The following HAUS1 variants were observed in gnomAD, a reference collection of about 807,000 sequenced individuals.
HAUS1 encodes HAUS augmin like complex subunit 1, also known as HAUS augmin-like complex subunit 1.
HAUS1 carries 25 observed loss-of-function variants against 38.6 expected under a neutral mutation model. The observed-to-expected ratio is 0.65, with a 90% CI of 0.47 to 0.91. The LOEUF is 0.91. HAUS1 is among the 40% of genes least tolerant of loss of function. The pLI is 0.00. For synonymous variants in HAUS1, 109 were observed against 112.9 expected (o/e 0.97, Z 0.22); for missense variants, 325 against 328.4 (o/e 0.99, Z 0.08).
intron 3 of HAUS1, 26 bp from the exon 4 acceptor site, chr18:46,119,900 T>C: frequency 6.5e-7 from 1 of 1,545,010 alleles, no homozygotes; most frequent in Non-Finnish European, 8.7e-7. Context: ...ATTAAGCCCA[T>C]GTATATGACC....
chr18:46,112,934 C>CATATAATAT (rs1207564485), intron 2 of HAUS1, among the ~76,000 whole-genome samples: 2 of 100,040 alleles, frequency 2.0e-5, no homozygotes, highest in Non-Finnish European at 3.7e-5. Context: ...GTATATATTC[C>CATATAATAT]ATATAATATA....
In HAUS1 at chr18:46,123,377, T is replaced by C. The variant is rs1912006804; in HGVS notation, c.666+13T>C. The C allele has an allele frequency of 6.4e-7, 1 of 1,554,718 alleles. No individual in the cohort carries two copies. The highest frequency in any genetic ancestry group is 8.8e-7 in the Non-Finnish European group (1 of 1,136,430). ...AGCACTATCAGAGGTGAGCTTATTT[T>C]AACCTAATTTAACTTTCTTTAAAAT... is the stretch of plus-strand genomic sequence containing the variant. On this transcript the variant is annotated intron_variant, in intron 6 of 8. Coordinates refer to ENST00000282058, the MANE Select transcript of HAUS1 (RefSeq NM_138443.4).
At chr18:46,113,561 C>G (rs78463864) in intron 2 of HAUS1, among the ~76,000 whole-genome samples, 2 of 152,248 alleles carry the variant, frequency 1.3e-5, no homozygotes, top group East Asian at 3.9e-4. Flanking sequence ...CATCTTACCT[C>G]ATGTTCCTTC....
intron 2 of HAUS1, among the ~76,000 whole-genome samples, chr18:46,111,164 G>A (rs1443459623): frequency 1.3e-5 from 2 of 151,612 alleles, no homozygotes; most frequent in Non-Finnish European, 2.9e-5. Context: ...CAATGCACCC[G>A]GCCTCAAGAT....
chr18:46,128,097 CAAG>C lies in HAUS1; in HGVS notation c.814_816del (p.Arg272del). The C allele has an allele frequency of 6.3e-7, 1 of 1,588,452 alleles. No individual in the cohort carries two copies. The highest frequency in any genetic ancestry group is 8.5e-7 in the Non-Finnish European group (1 of 1,170,362). On this transcript the variant is annotated inframe_deletion, in exon 9 of 9. Transcript: ENST00000282058. ...TAGGATAGCATTGAAGCTGAACTTACAAGAAGAGTAGACATGATGGAACTGTGA... is the reference window on the plus strand; with the variant it reads ...TAGGATAGCATTGAAGCTGAACTTACAAGAGTAGACATGATGGAACTGTGA...
At chr18:46,117,271 G>A (rs1204836664) in intron 2 of HAUS1, among the ~76,000 whole-genome samples, 1 of 152,064 alleles carries the variant, frequency 6.6e-6, no homozygotes, top group Non-Finnish European at 1.5e-5. Context: ...GCCAAAATGT[G>A]GAAACAACCC....
chr18:46,114,947 T>G (rs1192478004), intron 2 of HAUS1: 1 of 152,226 alleles, frequency 6.6e-6, no homozygotes, highest in Non-Finnish European at 1.5e-5. Context: ...TTTCTTTCTT[T>G]CTTCTGATTT....
chr18:46,123,409 C>A, intron 6 of HAUS1, 45 bp downstream of exon 6: 1 of 1,249,576 alleles, frequency 8.0e-7, no homozygotes, highest in Non-Finnish European at 1.2e-6. Flanking sequence ...AAATTTTACT[C>A]CACAGTCTGC....
At chr18:46,114,883 A>T (rs1357409982) in intron 2 of HAUS1, among the ~76,000 whole-genome samples, 1 of 152,040 alleles carries the variant, frequency 6.6e-6, no homozygotes, top group Non-Finnish European at 1.5e-5. Flanking sequence ...TTGTTTCTTC[A>T]TTTGCTGTGT....
intron 2 of HAUS1, among the ~76,000 whole-genome samples, chr18:46,109,282 A>C (rs2144246191): frequency 6.6e-6 from 1 of 152,224 alleles, no homozygotes; most frequent in East Asian, 1.9e-4. Context: ...ACTCACTATC[A>C]CGAGAACAGT....
At position 46,122,579 on chromosome 18, in the gene HAUS1, A is replaced by G; in HGVS notation, c.589A>G (p.Lys197Glu). The change falls in exon 5 of 9, where the codon AAG becomes GAG. Residue 197 changes from lysine (K) to glutamate (E), a missense_variant. Coordinates refer to ENST00000282058, the MANE Select transcript of HAUS1 (RefSeq NM_138443.4). ...AKSEEFRFGIKAAEEQLSARG... is the reference protein window; with the variant it reads ...AKSEEFRFGIEAAEEQLSARG... ...GTCAGAGGAATTCAGATTTGGAATC[A>G]AGGCTGCAGAGGTTTGTATGAAGGA... 6.2e-7 allele frequency: 1 copy of G among 1,614,196 alleles called. No individual in the cohort carries two copies. Among genetic ancestry groups the G allele is most frequent in the Non-Finnish European group, 8.5e-7 (1 of 1,180,020 alleles).
At chr18:46,117,759 A>G (rs1372659302) in intron 2 of HAUS1, among the ~76,000 whole-genome samples, 3 of 152,152 alleles carry the variant, frequency 2.0e-5, no homozygotes, top group South Asian at 2.1e-4. Context: ...CCTGGCCAAC[A>G]TGGTGAAACC....
chr18:46,104,895 T>C (rs765688786), intron 1 of HAUS1, among the ~76,000 whole-genome samples: 2 of 152,220 alleles, frequency 1.3e-5, no homozygotes, highest in African/African-American at 4.8e-5. Flanking sequence ...TATTATGGTC[T>C]ATTAAGCTTT....
At chr18:46,126,214 G>C (rs1427718563) in intron 8 of HAUS1, among the ~76,000 whole-genome samples, 1 of 152,144 alleles carries the variant, frequency 6.6e-6, no homozygotes, top group Non-Finnish European at 1.5e-5. Flanking sequence ...GGTGGAGGTT[G>C]CAGTGAACTG....
At position 46,118,276 on chromosome 18, in the gene HAUS1, A is replaced by G. The variant is rs1210138826; in HGVS notation, c.301A>G (p.Ser101Gly). Residue 101 changes from serine to glycine, a missense_variant, in exon 3 of 9, where the codon AGT becomes GGT. Coordinates refer to ENST00000282058, the MANE Select transcript of HAUS1 (RefSeq NM_138443.4). ...GSRYLNALVD[S>G]AVALETKDTS... ...CAGGTATCTGAATGCTTTGGTTGAC[A>G]GTGCGGTGGCCCTTGAAACAAAGGA... is the stretch of plus-strand genomic sequence containing the variant. 1.9e-6 allele frequency: 3 copies of G among 1,613,288 alleles called. No homozygotes were observed. The highest frequency in any genetic ancestry group is 1.3e-5 in the African/African-American group (1 of 74,926).
At chr18:46,118,753 G>T (rs1194490000) in intron 3 of HAUS1, among the ~76,000 whole-genome samples, 1 of 152,088 alleles carries the variant, frequency 6.6e-6, no homozygotes, top group Non-Finnish European at 1.5e-5. Context: ...AGGAGGTGTG[G>T]GTTAAATAAT....
intron 1 of HAUS1, 53 bp from the exon 2 acceptor site, chr18:46,105,141 G>A: frequency 7.5e-7 from 1 of 1,328,110 alleles, no homozygotes; most frequent in South Asian, 1.4e-5. Context: ...TATTCTCATC[G>A]AGCCATTACA....
At chr18:46,114,626 C>T (rs756381989) in intron 2 of HAUS1, among the ~76,000 whole-genome samples, 11 of 152,140 alleles carry the variant, frequency 7.2e-5, no homozygotes, top group Non-Finnish European at 1.3e-4. Context: ...AACCACATCC[C>T]GCTGGGACTT....
chr18:46,109,444 T>TTTCCTAAATTTCCTAAAATTCTTTC (rs1381512796), intron 2 of HAUS1, among the ~76,000 whole-genome samples: 1 of 152,192 alleles, frequency 6.6e-6, no homozygotes, highest in Non-Finnish European at 1.5e-5. Flanking sequence ...CTTTCTGTTA[T>TTTCCTAAATTTCCTAAAATTCTTTC]TGATTTCTCA....
Sources: gnomAD v4.1 joint callset for allele counts (sites outside exome capture counted in the v4.1 genomes callset) on GRCh38, gnomAD v4.1.1 for gene constraint, MANE v1.5 for transcripts, NCBI Gene and HGNC (gene_info 2026-07-23, HGNC 2026-07-21) for gene names.